COL12A1: variants seen among roughly 807,000 people sequenced by gnomAD.
COL12A1 encodes the protein collagen type XII alpha 1 chain.
In COL12A1, 114 loss-of-function variants were observed where a neutral mutation model predicts 349.7. That is an observed-to-expected ratio of 0.33 (90% CI 0.28 to 0.38). COL12A1 has a LOEUF of 0.38. Among genes scored for constraint, COL12A1 ranks in the 10% least tolerant of loss-of-function variants. The probability of loss-of-function intolerance (pLI) is 1.00; values close to 1 mark genes in which losing one functional copy is unlikely to be tolerated. For synonymous variants in COL12A1, 1,369 were observed against 1,329.0 expected, an observed-to-expected ratio of 1.03 and a Z score of -0.66; for missense variants, 3,284 against 3,756.9, an observed-to-expected ratio of 0.87 and a Z score of 3.29.
Position 75,115,889 on chromosome 6 carries a change from T to C in COL12A1, c.7592A>G (p.Glu2531Gly). 1 of 1,613,530 alleles carries C rather than the reference T, an allele frequency of 6.2e-7. No homozygotes were observed. Among genetic ancestry groups the C allele is most frequent in the Non-Finnish European group, 8.5e-7 (1 of 1,179,676 alleles). The change falls in exon 49 of 66, where the codon GAA becomes GGA. Residue 2531 changes from glutamate to glycine, a missense_variant. Physicochemically the swap from Glu to Gly is moderately conservative, Grantham distance 98. This residue lies in a region of COL12A1 where 683 missense variants were observed against 932.1 expected (regional missense o/e 0.73). Transcript: ENST00000322507. ...TCCTTGTACAGAAGCAAAATTCTTT[T>C]CTGTCAGGTTGTATGCTTCAAGCAT... is the stretch of plus-strand genomic sequence containing the variant. ...FKMLEAYNLT[E>G]KNFASVQGVS...
Position 75,189,548 on chromosome 6 carries a change from A to C in COL12A1, c.658+4T>G. On this transcript the variant is annotated splice_donor_region_variant and intron_variant, in intron 6 of 65. Coordinates refer to ENST00000322507, the MANE Select transcript of COL12A1 (RefSeq NM_004370.6). ...TTAACTTTAAAAAAATCTGTAGAAC[A>C]TACCTGTCATTGTGTTGCCACCTTT... 3 of 1,610,868 alleles carry C rather than the reference A, an allele frequency of 1.9e-6. No homozygotes were observed. In the South Asian group the frequency reaches 3.3e-5, roughly 18 times the overall value.
intron 60 of COL12A1, among the ~76,000 whole-genome samples, chr6:75,094,083 T>A (rs1582036461): frequency 6.6e-6 from 1 of 152,332 alleles, no homozygotes; most frequent in East Asian, 1.9e-4. Flanking sequence ...TTATGGTTTT[T>A]GTCATTCTTT....
chr6:75,160,158 C>T (rs770206117), intron 14 of COL12A1, among the ~76,000 whole-genome samples: 40 of 152,086 alleles, frequency 2.6e-4, no homozygotes, highest in Non-Finnish European at 4.9e-4. Context: ...TACACCCTCT[C>T]ACATTGTAAG....
chr6:75,180,957 C>G lies in COL12A1; in HGVS notation c.2146G>C (p.Glu716Gln). Residue 716 changes from glutamate to glutamine, a missense_variant, in exon 11 of 66, where the codon GAG becomes CAG. This residue lies in a region of COL12A1 where 2,601 missense variants were observed against 2,824.8 expected (regional missense o/e 0.92). Transcript: ENST00000322507. ...ATCACACCTTCTTCGGTGGTCTCCT[C>G]TCCAGCTAAGGGAATGCTGAAGCCA... ...EDGFSIPLAG[E>Q]ETTEEVKGAP... 6.2e-7 allele frequency: 1 copy of G among 1,613,142 alleles called. No individual in the cohort carries two copies. The highest frequency in any genetic ancestry group is 8.5e-7 in the Non-Finnish European group (1 of 1,179,296).
chr6:75,152,341 A>C lies in COL12A1; in HGVS notation c.3707T>G (p.Val1236Gly). The C allele has an allele frequency of 1.2e-6, 2 of 1,613,412 alleles. No individual in the cohort carries two copies. The highest frequency in any genetic ancestry group is 1.7e-6 in the Non-Finnish European group (2 of 1,179,674). The change falls in exon 18 of 66, where the codon GTA (valine) becomes GGA (glycine). Residue 1236 changes from valine (V) to glycine (G), a missense_variant. Physicochemically the swap from Val to Gly is moderately radical, Grantham distance 109. Around this residue, in one of 2 missense-constraint regions of COL12A1, gnomAD observed 2,601 missense variants for 2,824.8 expected, o/e 0.92. Coordinates refer to ENST00000322507, the MANE Select transcript of COL12A1 (RefSeq NM_004370.6). ...ATGTTGTCAGAACCTACCAATTTGTACTCTTTTGGGGCCAATGTCAAAGAC... is the reference window on the plus strand; with the variant it reads ...ATGTTGTCAGAACCTACCAATTTGTCCTCTTTTGGGGCCAATGTCAAAGAC... ...VEVFDIGPKRVQIALAQYSGD... is the reference protein window; with the variant it reads ...VEVFDIGPKRGQIALAQYSGD...
intron 8 of COL12A1, among the ~76,000 whole-genome samples, chr6:75,186,095 AC>A (rs1190114965): frequency 6.6e-6 from 1 of 152,238 alleles, no homozygotes; most frequent in Non-Finnish European, 1.5e-5. Context: ...AGCAATTGCA[AC>A]AAAAACAAAA....
At position 75,121,520 on chromosome 6, in the gene COL12A1, A is replaced by C. The variant is rs1438968148; in HGVS notation, c.6947-79T>G. On this transcript the variant is annotated intron_variant, in intron 43 of 65. Transcript: ENST00000322507. ...AATGAAATCACATAATTGAAAATGCAATATAACACCTTGCTACGCAAAGTG... is the reference window on the plus strand; with the variant it reads ...AATGAAATCACATAATTGAAAATGCCATATAACACCTTGCTACGCAAAGTG... The C allele has an allele frequency of 2.1e-6, 3 of 1,419,576 alleles. No homozygotes were observed. In the Admixed American group the frequency reaches 6.7e-5, roughly 32 times the overall value. 87.9% of individuals were successfully genotyped at this position (1,419,576 alleles called of 1,614,324 possible). A position where few individuals can be genotyped will look rare whatever the true frequency, so the allele number is the denominator to read the frequency against.
chr6:75,176,089 A>G (rs552868129), intron 12 of COL12A1, among the ~76,000 whole-genome samples: 2 of 152,330 alleles, frequency 1.3e-5, no homozygotes, highest in East Asian at 1.9e-4. Flanking sequence ...GAGAAAACCA[A>G]TGAAGTAGTC....
At chr6:75,202,593 A>G in intron 2 of COL12A1, 127 bp downstream of exon 2, 1 of 905,240 alleles carries the variant, frequency 1.1e-6, no homozygotes, top group Admixed American at 2.5e-5. Context: ...TCTCTGAAGG[A>G]GAGAAACCAC....
chr6:75,188,510 T>C lies in COL12A1; in HGVS notation c.849A>G (p.Glu283=). ...AAGGTGTGGAGGCAATTTGTTTGAG[T>C]TCTTTTGCATCTGCAGCTTTAATGC... ...SLGIKAADAK[E]LKQIASTPSL... The change falls in exon 8 of 66, where the codon GAA becomes GAG. Residue 283 remains glutamate (E), a synonymous_variant. Coordinates refer to ENST00000322507, the MANE Select transcript of COL12A1 (RefSeq NM_004370.6). The C allele has an allele frequency of 6.2e-7, 1 of 1,613,154 alleles. No individual in the cohort carries two copies. Among genetic ancestry groups the C allele is most frequent in the Non-Finnish European group, 8.5e-7 (1 of 1,179,540 alleles).
At chr6:75,119,208 A>C in intron 45 of COL12A1, 22 bp from the exon 46 acceptor site, 2 of 1,613,772 alleles carry the variant, frequency 1.2e-6, no homozygotes, top group Non-Finnish European at 1.7e-6. Flanking sequence ...GGCATGGAAA[A>C]TTTTAGTGTC....
chr6:75,168,086 A>C (rs1396822051), intron 13 of COL12A1, among the ~76,000 whole-genome samples: 1 of 152,140 alleles, frequency 6.6e-6, no homozygotes, highest in Non-Finnish European at 1.5e-5. Context: ...AGCAACATAG[A>C]CTCCAAAGAA....
At chr6:75,171,710 C>T (rs1768642403) in intron 13 of COL12A1, among the ~76,000 whole-genome samples, 1 of 152,182 alleles carries the variant, frequency 6.6e-6, no homozygotes, top group African/African-American at 2.4e-5. Flanking sequence ...CTGGGCTTTC[C>T]ACTCCCTGCA....
At position 75,165,507 on chromosome 6, in the gene COL12A1, A is replaced by G; in HGVS notation, c.2983T>C (p.Leu995=). Residue 995 remains leucine, a splice_region_variant and synonymous_variant, in exon 14 of 66, where the codon TTA becomes CTA. Transcript: ENST00000322507. ...EPLTGDATTE[L]SQDSKTLKVD... is the part of the protein sequence containing the mutation. ...CAAACACACCCATAATGTTACCTACATTCAGTTGTGGCATCTCCAGTCAAA... is the reference window on the plus strand; with the variant it reads ...CAAACACACCCATAATGTTACCTACGTTCAGTTGTGGCATCTCCAGTCAAA... The G allele has an allele frequency of 6.2e-7, 1 of 1,613,020 alleles. No individual in the cohort carries two copies. Among genetic ancestry groups the G allele is most frequent in the Non-Finnish European group, 8.5e-7 (1 of 1,179,692 alleles).
chr6:75,129,354 C>T (rs990070365), intron 37 of COL12A1, among the ~76,000 whole-genome samples: 17 of 152,152 alleles, frequency 1.1e-4, no homozygotes, highest in African/African-American at 2.9e-4. Context: ...TTATCTAAGA[C>T]GATCTATGTG....
chr6:75,118,626 C>A (rs1025902276), intron 46 of COL12A1, among the ~76,000 whole-genome samples: 7 of 152,212 alleles, frequency 4.6e-5, no homozygotes, highest in Non-Finnish European at 1.0e-4. Context: ...TTATTTGCAA[C>A]ATATCTTTTA....
chr6:75,147,665 T>C lies in COL12A1; in HGVS notation c.4417+10A>G, dbSNP rs1037196900. 1.3e-6 allele frequency: 2 copies of C among 1,581,350 alleles called. No individual in the cohort carries two copies. Among genetic ancestry groups the C allele is most frequent in the Non-Finnish European group, 1.7e-6 (2 of 1,167,588 alleles). ...AAAGCAATGAGAAACAATTTTTTAA[T>C]CTGACTCACAGGTTTTTTCTGTCCC... On this transcript the variant is annotated intron_variant, in intron 23 of 65. Coordinates refer to ENST00000322507, the MANE Select transcript of COL12A1 (RefSeq NM_004370.6).
intron 24 of COL12A1, 30 bp downstream of exon 24, chr6:75,146,072 C>T (rs776603966): frequency 1.3e-5 from 20 of 1,561,088 alleles, no homozygotes; most frequent in Admixed American, 7.7e-5. Flanking sequence ...CTTGGGAAGA[C>T]CCAATGTTAA....
chr6:75,140,946 T>C (rs1766861583), intron 27 of COL12A1, among the ~76,000 whole-genome samples: 1 of 152,206 alleles, frequency 6.6e-6, no homozygotes, highest in Non-Finnish European at 1.5e-5. Flanking sequence ...AGATGTGCTC[T>C]AAGTGTAAAA....
Sources: gnomAD v4.1 joint callset for allele counts (sites outside exome capture counted in the v4.1 genomes callset) on GRCh38, gnomAD v4.1.1 for gene constraint, gnomAD v4.1.1 regional missense constraint, MANE v1.5 for transcripts, NCBI Gene and HGNC (gene_info 2026-07-23, HGNC 2026-07-21) for gene names.